Variants in GRIK1 observed in about 807,000 individuals in gnomAD.
GRIK1 encodes the protein glutamate ionotropic receptor kainate type subunit 1.
GRIK1 carries 69 observed loss-of-function variants against 105.7 expected under a neutral mutation model. That is an observed-to-expected ratio of 0.65 (90% CI 0.54 to 0.80). The LOEUF is 0.80. Among genes scored for constraint, GRIK1 ranks in the 30% least tolerant of loss-of-function variants. The pLI, the probability that GRIK1 is intolerant of heterozygous loss-of-function variation, is 0.00. For missense variants in GRIK1, 1,109 were observed against 1,167.3 expected (o/e 0.95, Z 0.73); for synonymous variants, 438 against 431.3 (o/e 1.02, Z -0.19).
At chr21:29,824,197 G>A (rs548066698) in intron 1 of GRIK1, among the ~76,000 whole-genome samples, 9 of 151,914 alleles carry the variant, frequency 5.9e-5, no homozygotes, top group African/African-American at 1.7e-4. Flanking sequence ...CTCCATACAC[G>A]ATAAACATAT....
chr21:29,576,855 A>G (rs112484674), intron 14 of GRIK1, 109 bp downstream of exon 14: 25,113 of 652,222 alleles, frequency 0.039, 1,058 homozygotes, highest in African/African-American at 0.17. Flanking sequence ...TAAAAAAATT[A>G]CCCAACATCT....
At chr21:29,931,273 G>C (rs2071554523) in intron 1 of GRIK1, among the ~76,000 whole-genome samples, 2 of 152,028 alleles carry the variant, frequency 1.3e-5, no homozygotes, top group African/African-American at 4.8e-5. Flanking sequence ...GGCTTATCTT[G>C]GTTGTGACAG....
At chr21:29,768,227 C>T (rs918269849) in intron 1 of GRIK1, among the ~76,000 whole-genome samples, 1 of 152,104 alleles carries the variant, frequency 6.6e-6, no homozygotes, top group African/African-American at 2.4e-5. Flanking sequence ...CTGGGTATGC[C>T]TACAGCTTCT....
At chr21:29,614,009 A>G (rs1022983609) in intron 7 of GRIK1, among the ~76,000 whole-genome samples, 2 of 152,138 alleles carry the variant, frequency 1.3e-5, no homozygotes, top group East Asian at 3.8e-4. Flanking sequence ...TAGTTGTTAT[A>G]ATTATTCTTG....
intron 1 of GRIK1, among the ~76,000 whole-genome samples, chr21:29,753,742 G>A (rs907118096): frequency 6.6e-6 from 1 of 152,190 alleles, no homozygotes; most frequent in Non-Finnish European, 1.5e-5. Context: ...TTGATTTCAT[G>A]TACAGGTGTA....
intron 1 of GRIK1, among the ~76,000 whole-genome samples, chr21:29,764,565 T>C (rs1476327564): frequency 6.6e-6 from 1 of 152,228 alleles, no homozygotes; most frequent in East Asian, 1.9e-4. Flanking sequence ...AAAAAGCTAA[T>C]TAACCTCCAC....
intron 4 of GRIK1, among the ~76,000 whole-genome samples, chr21:29,664,422 C>T (rs2063021767): frequency 6.6e-6 from 1 of 152,188 alleles, no homozygotes; most frequent in South Asian, 2.1e-4. Flanking sequence ...ATATTTAATA[C>T]ATTGTCACAT....
chr21:29,569,820 G>T (rs1166443802), intron 14 of GRIK1, among the ~76,000 whole-genome samples: 2 of 152,172 alleles, frequency 1.3e-5, no homozygotes, highest in Admixed American at 1.3e-4. Flanking sequence ...CAGAGCCGTT[G>T]TACATTTCTG....
intron 1 of GRIK1, among the ~76,000 whole-genome samples, chr21:29,791,510 G>T (rs78685568): frequency 2.0e-5 from 3 of 150,366 alleles, no homozygotes; most frequent in African/African-American, 5.0e-5. Flanking sequence ...GAAGGGAAGT[G>T]GGGGGGGAAT....
At position 29,848,779 on chromosome 21, in the gene GRIK1, A is replaced by ATATATATATAT; in HGVS notation, c.118+90603_118+90604insATATATATATA. 5.0e-4 allele frequency among the ~76,000 whole-genome samples: 39 copies of ATATATATATAT among 77,864 alleles called. 1 individual carries two copies. Among genetic ancestry groups the ATATATATATAT allele is most frequent in the South Asian group, 4.3e-3 (8 of 1,868 alleles). 51.1% of individuals were successfully genotyped at this position (77,864 alleles called of 152,430 possible). A position where few individuals can be genotyped will look rare whatever the true frequency, so the allele number is the denominator to read the frequency against. On this transcript the variant is annotated intron_variant, in intron 1 of 17. Coordinates refer to ENST00000327783, the MANE Select transcript of GRIK1 (RefSeq NM_001330994.2). ...TGTATATATATATATATATATATAT[A>ATATATATATAT]TTTTTTTTTTTTTCCACGATCTTCA...
At chr21:29,577,286 C>T (rs151297578) in intron 13 of GRIK1, 105 bp from the exon 14 acceptor site, 80 of 647,982 alleles carry the variant, frequency 1.2e-4, no homozygotes, top group African/African-American at 9.1e-4. Context: ...AAAGACTTAC[C>T]GTCTTGTAGG....
At chr21:29,620,444 A>G (rs1266745920) in intron 7 of GRIK1, among the ~76,000 whole-genome samples, 3 of 152,154 alleles carry the variant, frequency 2.0e-5, no homozygotes, top group African/African-American at 7.2e-5. Flanking sequence ...TGTTGAAAGA[A>G]ATGGCTTGTT....
chr21:29,624,365 A>G (rs566522065), intron 7 of GRIK1, among the ~76,000 whole-genome samples: 2 of 152,282 alleles, frequency 1.3e-5, no homozygotes, highest in South Asian at 4.1e-4. Context: ...TCCATTGCAG[A>G]ATATTTAAAA....
At chr21:29,712,469 T>C (rs1383155355) in intron 1 of GRIK1, among the ~76,000 whole-genome samples, 2 of 152,126 alleles carry the variant, frequency 1.3e-5, no homozygotes, top group Non-Finnish European at 2.9e-5. Flanking sequence ...AATTGTCTTC[T>C]AGAAATATTG....
intron 6 of GRIK1, among the ~76,000 whole-genome samples, chr21:29,645,856 A>G (rs2062607404): frequency 6.6e-6 from 1 of 152,202 alleles, no homozygotes; most frequent in Admixed American, 6.5e-5. Context: ...TGACCCTAAG[A>G]AAATCTTTTT....
chr21:29,742,718 G>C (rs1042223406), intron 1 of GRIK1, among the ~76,000 whole-genome samples: 1 of 152,086 alleles, frequency 6.6e-6, no homozygotes, highest in African/African-American at 2.4e-5. Context: ...ATTTACTCAC[G>C]GTTTCTTCTA....
chr21:29,749,602 G>C (rs1044106509), intron 1 of GRIK1, among the ~76,000 whole-genome samples: 7 of 152,146 alleles, frequency 4.6e-5, no homozygotes, highest in African/African-American at 1.7e-4. Context: ...TGCCACATTT[G>C]GGTCTTTATC....
chr21:29,546,519 G>A (rs1214094773), intron 16 of GRIK1, among the ~76,000 whole-genome samples: 3 of 152,158 alleles, frequency 2.0e-5, no homozygotes, highest in Admixed American at 1.3e-4. Context: ...CTCAGAGATG[G>A]TAAGTGGTTT....
intron 11 of GRIK1, among the ~76,000 whole-genome samples, chr21:29,587,961 A>ATTTTTTTTTTTTTT (rs1555842114): frequency 3.7e-5 from 3 of 81,826 alleles, no homozygotes; most frequent in Admixed American, 1.2e-4. Flanking sequence ...AAACTTTAAA[A>ATTTTTTTTTTTTTT]TTCTTTTTTT....
Sources: gnomAD v4.1 joint callset for allele counts (sites outside exome capture counted in the v4.1 genomes callset) on GRCh38, gnomAD v4.1.1 for gene constraint, MANE v1.5 for transcripts, NCBI Gene and HGNC (gene_info 2026-07-23, HGNC 2026-07-21) for gene names.